ITGAE: variants seen among roughly 807,000 people sequenced by gnomAD.
The protein encoded by ITGAE is integrin subunit alpha E, also known as integrin alpha-E.
A neutral mutation model predicts 136.5 loss-of-function variants in ITGAE; 99 were observed. That is an observed-to-expected ratio of 0.73 (90% CI 0.62 to 0.86). ITGAE has a LOEUF of 0.86. Among genes scored for constraint, ITGAE ranks in the 40% least tolerant of loss-of-function variants. The pLI, the probability that ITGAE is intolerant of heterozygous loss-of-function variation, is 0.00. For missense variants in ITGAE, 1,447 were observed against 1,515.3 expected, an observed-to-expected ratio of 0.95 and a Z score of 0.75; for synonymous variants, 613 against 591.8, an observed-to-expected ratio of 1.04 and a Z score of -0.52.
At chr17:3,727,149 G>T (rs1346235712) in intron 26 of ITGAE, among the ~76,000 whole-genome samples, 1 of 151,972 alleles carries the variant, frequency 6.6e-6, no homozygotes, top group Non-Finnish European at 1.5e-5. Context: ...GCTTCATACT[G>T]AGCAGAGCCT....
At chr17:3,742,273 T>A (rs2051605789) in intron 19 of ITGAE, among the ~76,000 whole-genome samples, 1 of 152,186 alleles carries the variant, frequency 6.6e-6, no homozygotes, top group African/African-American at 2.4e-5. Flanking sequence ...CTATGAATGA[T>A]CCTGGACCAG....
intron 3 of ITGAE, 147 bp from the exon 4 acceptor site, chr17:3,762,129 G>A (rs778223882): frequency 1.1e-4 from 75 of 663,856 alleles, no homozygotes; most frequent in East Asian, 3.3e-4. Context: ...AAGCTAGAGC[G>A]GGGGCCTTCA....
intron 19 of ITGAE, among the ~76,000 whole-genome samples, chr17:3,742,420 C>T (rs1259710519): frequency 2.7e-5 from 4 of 149,660 alleles, no homozygotes; most frequent in African/African-American, 7.4e-5. Context: ...TAAGACAATG[C>T]CTTTGTTTTT....
At chr17:3,730,891 C>T (rs1461776115) in intron 23 of ITGAE, among the ~76,000 whole-genome samples, 1 of 152,210 alleles carries the variant, frequency 6.6e-6, no homozygotes, top group Non-Finnish European at 1.5e-5. Flanking sequence ...CACAGTTTTA[C>T]TTTGTGTGTG....
chr17:3,777,758 AAGTGAG>A lies in ITGAE; in HGVS notation c.35-104_35-99del, dbSNP rs1036443614. On this transcript the variant is annotated intron_variant, in intron 1 of 30. Coordinates refer to ENST00000263087, the MANE Select transcript of ITGAE (RefSeq NM_002208.5). ...ATGAACCCCGTTTTACAGCTGAGAA[AAGTGAG>A]ACTGCCCAGGGATCTTTATGTGTGT... 9.1e-5 allele frequency: 125 copies of A among 1,371,628 alleles called. 1 individual carries two copies. The highest frequency in any genetic ancestry group is 5.7e-4 in the Middle Eastern group (3 of 5,300). The allele number at this position is 1,371,628 out of a possible 1,614,324, so 85.0% of individuals were successfully genotyped here.
rs531764771 is a variant in ITGAE at position 3,715,688 on chromosome 17, A to G, written c.3445-746T>C. On this transcript the variant is annotated intron_variant, in intron 30 of 30. Coordinates refer to ENST00000263087, the MANE Select transcript of ITGAE (RefSeq NM_002208.5). ...GGCAATATAGGGAGACCTCATCTCC[A>G]CAAAATTAAAATTAAAAAATTAGCT... is the stretch of plus-strand genomic sequence containing the variant. Among the ~76,000 whole-genome samples, 211 of 152,228 alleles carry G rather than the reference A, an allele frequency of 1.4e-3. 1 individual carries two copies. The highest frequency in any genetic ancestry group is 4.8e-3 in the African/African-American group (201 of 41,528).
chr17:3,723,573 G>T, intron 27 of ITGAE, 115 bp downstream of exon 27: 1 of 1,184,034 alleles, frequency 8.4e-7, no homozygotes, highest in Non-Finnish European at 1.2e-6. Flanking sequence ...GGGAGGGCCT[G>T]GCAGCCCCCG....
At chr17:3,736,517 C>T (rs909755813) in intron 20 of ITGAE, among the ~76,000 whole-genome samples, 19 of 152,074 alleles carry the variant, frequency 1.2e-4, no homozygotes, top group Admixed American at 5.9e-4. Flanking sequence ...GACATACTGT[C>T]CTACCCCGTT....
chr17:3,743,899 C>T (rs1182564794), intron 18 of ITGAE, among the ~76,000 whole-genome samples: 9 of 151,294 alleles, frequency 5.9e-5, no homozygotes, highest in South Asian at 2.1e-4. Flanking sequence ...GACAGGGTTT[C>T]GCCATGTTGG....
At chr17:3,782,363 G>C (rs1455203886) in intron 1 of ITGAE, among the ~76,000 whole-genome samples, 1 of 142,132 alleles carries the variant, frequency 7.0e-6, no homozygotes, top group Non-Finnish European at 1.5e-5. Flanking sequence ...GTGTGTGTGT[G>C]TGTGTGTACT....
intron 17 of ITGAE, among the ~76,000 whole-genome samples, chr17:3,746,447 T>C (rs1021036346): frequency 1.3e-5 from 2 of 151,342 alleles, no homozygotes; most frequent in Admixed American, 6.6e-5. Context: ...TTTTCTTTTT[T>C]TTTTCTTTTT....
At chr17:3,760,891 G>A in intron 6 of ITGAE, 122 bp downstream of exon 6, 1 of 1,401,662 alleles carries the variant, frequency 7.1e-7, no homozygotes, top group Non-Finnish European at 9.4e-7. Context: ...TACAGGTCAG[G>A]TCTGTAAAGT....
Position 3,750,971 on chromosome 17 carries a change from G to T in ITGAE, c.1894-489C>A, listed in dbSNP as rs552366934. On this transcript the variant is annotated intron_variant, in intron 15 of 30. Transcript: ENST00000263087. ...GCCTGAGCTGGGACCGCAGGGGTGG[G>T]GATAGAGAGAAGGGGCTGGAGTTGG... is the stretch of plus-strand genomic sequence containing the variant. 1.7e-3 allele frequency among the ~76,000 whole-genome samples: 262 copies of T among 151,804 alleles called. 1 individual carries two copies. Among genetic ancestry groups the T allele is most frequent in the Admixed American group, 3.7e-3 (57 of 15,256 alleles).
At chr17:3,730,970 G>T in intron 23 of ITGAE, 134 bp downstream of exon 23, 1 of 624,978 alleles carries the variant, frequency 1.6e-6, no homozygotes. Flanking sequence ...GGAAACAGAT[G>T]CCTTCTGTGG....
intron 1 of ITGAE, among the ~76,000 whole-genome samples, chr17:3,782,211 G>A (rs1255228860): frequency 4.1e-5 from 6 of 147,594 alleles, no homozygotes; most frequent in African/African-American, 1.5e-4. Flanking sequence ...GGAGGCACAG[G>A]TTGCGGTGAA....
intron 3 of ITGAE, among the ~76,000 whole-genome samples, chr17:3,763,155 T>C (rs1356606517): frequency 6.6e-6 from 1 of 152,062 alleles, no homozygotes; most frequent in Non-Finnish European, 1.5e-5. Flanking sequence ...GGCCTCCCAG[T>C]GTGCTAAGAT....
At chr17:3,787,326 G>A (rs887092609) in intron 1 of ITGAE, among the ~76,000 whole-genome samples, 1 of 152,064 alleles carries the variant, frequency 6.6e-6, no homozygotes, top group Non-Finnish European at 1.5e-5. Context: ...TGGCCAGGCT[G>A]GTCTTGAACT....
chr17:3,735,409 C>T (rs529441745), intron 20 of ITGAE, among the ~76,000 whole-genome samples: 8 of 152,260 alleles, frequency 5.3e-5, no homozygotes, highest in African/African-American at 9.6e-5. Flanking sequence ...TCAGGTGATC[C>T]GCCTGCCTCG....
At chr17:3,796,453 T>G (rs968922470) in intron 1 of ITGAE, among the ~76,000 whole-genome samples, 1 of 152,110 alleles carries the variant, frequency 6.6e-6, no homozygotes, top group African/African-American at 2.4e-5. Context: ...GCTTGGCACC[T>G]CGCTTCCGTC....
Sources: allele counts gnomAD v4.1 joint callset (sites outside exome capture counted in the v4.1 genomes callset), GRCh38; gene constraint gnomAD v4.1.1; transcripts MANE v1.5; gene names NCBI Gene and HGNC (gene_info 2026-07-23, HGNC 2026-07-21).